The following IL20RA variants were observed in gnomAD, a reference collection of about 807,000 sequenced individuals.
The protein encoded by IL20RA is interleukin-20 receptor subunit alpha.
A neutral mutation model predicts 36.5 loss-of-function variants in IL20RA; 29 were observed. The observed-to-expected ratio is 0.79, with a 90% CI of 0.59 to 1.08. IL20RA has a LOEUF of 1.08. Ranked by LOEUF, IL20RA falls within the 50% of genes least tolerant of loss-of-function variation. IL20RA has a pLI of 0.00. For missense variants in IL20RA, 652 were observed against 668.4 expected, an observed-to-expected ratio of 0.98 and a Z score of 0.27; for synonymous variants, 279 against 267.1, an observed-to-expected ratio of 1.04 and a Z score of -0.43.
At chr6:137,021,292 C>T (rs1443388176) in intron 1 of IL20RA, among the ~76,000 whole-genome samples, 2 of 152,128 alleles carry the variant, frequency 1.3e-5, no homozygotes, top group African/African-American at 4.8e-5. Flanking sequence ...TAAAAGAATT[C>T]TCTCACATGG....
chr6:137,002,059 G>T lies in IL20RA; in HGVS notation c.1161C>A (p.Ser387=). 1 of 1,614,056 alleles carries T rather than the reference G, an allele frequency of 6.2e-7. No individual in the cohort carries two copies. The highest frequency in any genetic ancestry group is 8.5e-7 in the Non-Finnish European group (1 of 1,180,030). ...TEGTSLTQQE[S]LSRTIPPDKT... is the part of the protein sequence containing the mutation. ...TATCCGGGGGTATTGTTCTGCTGAG[G>T]GACTCTTGCTGGGTGAGAGAAGTAC... The change falls in exon 7 of 7, where the codon TCC becomes TCA. Residue 387 remains serine, a synonymous_variant. Coordinates refer to ENST00000316649, the MANE Select transcript of IL20RA (RefSeq NM_014432.4).
At chr6:137,014,510 A>G (rs1775606698) in intron 2 of IL20RA, among the ~76,000 whole-genome samples, 1 of 152,206 alleles carries the variant, frequency 6.6e-6, no homozygotes, top group African/African-American at 2.4e-5. Context: ...AAGAAATTGA[A>G]GTGAGATTAA....
chr6:137,008,211 C>A (rs1257609473), intron 5 of IL20RA, among the ~76,000 whole-genome samples: 1 of 152,198 alleles, frequency 6.6e-6, no homozygotes, highest in African/African-American at 2.4e-5. Context: ...GCCATCCTCC[C>A]TCCTTGGCCT....
intron 2 of IL20RA, among the ~76,000 whole-genome samples, chr6:137,015,177 C>G (rs758180806): frequency 6.6e-6 from 1 of 152,054 alleles, no homozygotes; most frequent in Non-Finnish European, 1.5e-5. Context: ...CAATTTTTTT[C>G]TAGACACACC....
chr6:137,018,909 A>G (rs1775803296), intron 1 of IL20RA, among the ~76,000 whole-genome samples: 3 of 152,234 alleles, frequency 2.0e-5, no homozygotes, highest in Admixed American at 2.0e-4. Context: ...TTAGCATCTT[A>G]TACAAAATAA....
chr6:137,004,874 T>C, intron 5 of IL20RA, 114 bp from the exon 6 acceptor site: 1 of 977,410 alleles, frequency 1.0e-6, no homozygotes, highest in East Asian at 2.5e-5. Flanking sequence ...ATCACTTACA[T>C]TTGGGAACTC....
chr6:137,029,809 C>G (rs1776209760), intron 1 of IL20RA, among the ~76,000 whole-genome samples: 1 of 152,130 alleles, frequency 6.6e-6, no homozygotes. Context: ...TTCCTCAAAT[C>G]ATTTTCAACA....
At chr6:137,018,513 C>CGTGT (rs3842115) in intron 1 of IL20RA, among the ~76,000 whole-genome samples, 75,163 of 142,706 alleles carry the variant, frequency 0.53, 20,845 homozygotes, top group Non-Finnish European at 0.63. Flanking sequence ...CTGCCGTGTG[C>CGTGT]GTGTGTGTGT....
At chr6:137,023,883 C>G (rs1410579169) in intron 1 of IL20RA, among the ~76,000 whole-genome samples, 1 of 152,142 alleles carries the variant, frequency 6.6e-6, no homozygotes, top group Non-Finnish European at 1.5e-5. Context: ...CACTTGAGGT[C>G]AGGAGTTTGA....
chr6:137,009,927 G>T (rs541453534), intron 3 of IL20RA, among the ~76,000 whole-genome samples: 43 of 152,088 alleles, frequency 2.8e-4, no homozygotes, highest in Non-Finnish European at 5.0e-4. Context: ...TCTTACAGGA[G>T]ATGCCCCAAA....
chr6:137,027,849 C>A (rs1189378262), intron 1 of IL20RA, among the ~76,000 whole-genome samples: 1 of 152,178 alleles, frequency 6.6e-6, no homozygotes, highest in East Asian at 1.9e-4. Flanking sequence ...GGGCTCTCGC[C>A]TGGGATACTT....
intron 3 of IL20RA, 143 bp from the exon 4 acceptor site, chr6:137,009,635 T>G: frequency 1.8e-6 from 1 of 544,786 alleles, no homozygotes. Context: ...AGATGGAGTC[T>G]TGCCCCCTCG....
At position 137,008,599 on chromosome 6, in the gene IL20RA, C is replaced by A; in HGVS notation, c.724G>T (p.Asp242Tyr). 1 of 1,583,726 alleles carries A rather than the reference C, an allele frequency of 6.3e-7. No individual in the cohort carries two copies. Among genetic ancestry groups the A allele is most frequent in the Non-Finnish European group, 8.6e-7 (1 of 1,166,372 alleles). The change falls in exon 5 of 7, where the codon GAT becomes TAT. Residue 242 changes from aspartate (D) to tyrosine (Y), a missense_variant and splice_region_variant. Coordinates refer to ENST00000316649, the MANE Select transcript of IL20RA (RefSeq NM_014432.4). ...CCAGCAAAGATTTTTTAAAGCTTAC[C>A]TTTCAAAGTCCTGGCACACTGCTTC... ...SEKQCARTLK[D>Y]QSSEFKAKII...
At position 137,002,066 on chromosome 6, in the gene IL20RA, T is replaced by A. The variant is rs1775081287; in HGVS notation, c.1154A>T (p.Gln385Leu). The A allele has an allele frequency of 1.9e-6, 3 of 1,614,216 alleles. No individual in the cohort carries two copies. The East Asian group carries it at 6.7e-5, about 36-fold the overall frequency. Residue 385 changes from glutamine to leucine, a missense_variant, in exon 7 of 7, where the codon CAA (glutamine) becomes CTA (leucine). Transcript: ENST00000316649. The part of the protein sequence containing the change: ...ENTEGTSLTQ[Q>L]ESLSRTIPPD... The stretch of plus-strand genomic sequence containing the variant: ...GGGTATTGTTCTGCTGAGGGACTCT[T>A]GCTGGGTGAGAGAAGTACCTTCCGT...
chr6:137,034,870 G>A (rs1037703254), intron 1 of IL20RA, among the ~76,000 whole-genome samples: 24 of 151,642 alleles, frequency 1.6e-4, no homozygotes, highest in African/African-American at 3.1e-4. Context: ...GTGAGAACCC[G>A]GAAGGCGGAG....
At chr6:137,007,907 C>A (rs1775333525) in intron 5 of IL20RA, among the ~76,000 whole-genome samples, 1 of 152,216 alleles carries the variant, frequency 6.6e-6, no homozygotes, top group Admixed American at 6.5e-5. Context: ...TGCTTTGTTT[C>A]TAGCAATAAA....
chr6:137,023,148 A>G (rs1440973191), intron 1 of IL20RA, among the ~76,000 whole-genome samples: 3 of 152,190 alleles, frequency 2.0e-5, no homozygotes, highest in Non-Finnish European at 4.4e-5. Context: ...AGTAAAAAAC[A>G]AAAACAAATA....
Position 137,008,714 on chromosome 6 carries a change from C to T in IL20RA, c.609G>A (p.Leu203=). 1 of 1,604,510 alleles carries T rather than the reference C, an allele frequency of 6.2e-7. No individual in the cohort carries two copies. The highest frequency in any genetic ancestry group is 8.5e-7 in the Non-Finnish European group (1 of 1,175,582). The change falls in exon 5 of 7, where the codon CTG becomes CTA. Residue 203 remains leucine (L), a synonymous_variant. Coordinates refer to ENST00000316649, the MANE Select transcript of IL20RA (RefSeq NM_014432.4). ...TWSQCVTNHT[L]VLTWLEPNTL... is the part of the protein sequence containing the mutation. ...TGTTCGGCTCCAGCCAGGTGAGCACCAGCGTGTGGTTGGTCACACACTGGG... is the reference window on the plus strand; with the variant it reads ...TGTTCGGCTCCAGCCAGGTGAGCACTAGCGTGTGGTTGGTCACACACTGGG...
intron 2 of IL20RA, among the ~76,000 whole-genome samples, chr6:137,016,306 T>C (rs1472770652): frequency 6.6e-6 from 1 of 152,236 alleles, no homozygotes; most frequent in Non-Finnish European, 1.5e-5. Flanking sequence ...ATTTCCATGC[T>C]CTCAGATTGT....
Sources: allele counts gnomAD v4.1 joint callset (sites outside exome capture counted in the v4.1 genomes callset), GRCh38; gene constraint gnomAD v4.1.1; transcripts MANE v1.5; gene names NCBI Gene and HGNC (gene_info 2026-07-23, HGNC 2026-07-21).